Variants in OLA1 observed in about 807,000 individuals in gnomAD.
OLA1 encodes the protein obg-like ATPase 1.
OLA1 carries 14 observed loss-of-function variants against 48.4 expected under a neutral mutation model. The observed-to-expected ratio is 0.29, with a 90% CI of 0.19 to 0.45. The LOEUF is 0.45. Ranked by LOEUF, OLA1 falls within the 20% of genes least tolerant of loss-of-function variation. OLA1 has a pLI of 1.00. For missense variants in OLA1, 325 were observed against 467.1 expected (o/e 0.70, Z 2.80); for synonymous variants, 127 against 150.4 (o/e 0.84, Z 1.14).
intron 3 of OLA1, among the ~76,000 whole-genome samples, chr2:174,226,406 TAAAATGATGTTA>T (rs1688618323): frequency 6.6e-6 from 1 of 152,110 alleles, no homozygotes; most frequent in Non-Finnish European, 1.5e-5. Context: ...CTCTCGAGAC[TAAAATGATGTTA>T]AAAATATTTT....
At chr2:174,208,860 G>A (rs1688173234) in intron 4 of OLA1, among the ~76,000 whole-genome samples, 1 of 152,160 alleles carries the variant, frequency 6.6e-6, no homozygotes, top group African/African-American at 2.4e-5. Flanking sequence ...TAATGTATCA[G>A]AGCATCAAAT....
At chr2:174,174,622 A>G (rs1451463159) in intron 4 of OLA1, among the ~76,000 whole-genome samples, 1 of 152,084 alleles carries the variant, frequency 6.6e-6, no homozygotes, top group Admixed American at 6.5e-5. Flanking sequence ...TATGTGTAAG[A>G]TTTGTATTCT....
At chr2:174,215,988 G>A (rs754982022) in intron 4 of OLA1, among the ~76,000 whole-genome samples, 29 of 151,986 alleles carry the variant, frequency 1.9e-4, no homozygotes, top group Admixed American at 1.6e-3. Context: ...CATCATGGTC[G>A]CAATACTATA....
intron 4 of OLA1, among the ~76,000 whole-genome samples, chr2:174,219,420 TCC>T (rs1183672480): frequency 6.9e-6 from 1 of 145,410 alleles, no homozygotes; most frequent in South Asian, 2.3e-4. Flanking sequence ...CCATTTTATT[TCC>T]CTTTTTTTTT....
chr2:174,248,065 C>G, intron 1 of OLA1: 1 of 280,178 alleles, frequency 3.6e-6, no homozygotes, highest in Non-Finnish European at 7.0e-6. Context: ...TTCTCAGCGT[C>G]CTGACACCTG....
intron 4 of OLA1, among the ~76,000 whole-genome samples, chr2:174,168,409 C>T (rs576460379): frequency 8.6e-5 from 13 of 151,984 alleles, no homozygotes; most frequent in Admixed American, 5.9e-4. Flanking sequence ...AAAACAAACC[C>T]GCTACACATA....
At chr2:174,166,753 T>A (rs980425460) in intron 4 of OLA1, among the ~76,000 whole-genome samples, 1 of 152,134 alleles carries the variant, frequency 6.6e-6, no homozygotes, top group Non-Finnish European at 1.5e-5. Context: ...ATCTTTAAAG[T>A]ATGGGGGCAC....
intron 4 of OLA1, among the ~76,000 whole-genome samples, chr2:174,161,680 ATACACACACACACACAC>A (rs1558983309): frequency 2.8e-5 from 2 of 71,516 alleles, no homozygotes; most frequent in South Asian, 3.3e-4. Flanking sequence ...AAAAAAAAAA[ATACACACACACACACAC>A]ACACACACAC....
At chr2:174,212,062 C>T (rs1029035630) in intron 4 of OLA1, among the ~76,000 whole-genome samples, 1 of 152,132 alleles carries the variant, frequency 6.6e-6, no homozygotes, top group Non-Finnish European at 1.5e-5. Flanking sequence ...CAACTACAGA[C>T]ATGAGTTGCT....
chr2:174,216,752 T>C (rs1446324733), intron 4 of OLA1, among the ~76,000 whole-genome samples: 1 of 151,902 alleles, frequency 6.6e-6, no homozygotes, highest in Non-Finnish European at 1.5e-5. Context: ...CTCTCTATGT[T>C]GACCAGGCTG....
chr2:174,167,947 G>C (rs941232935), intron 4 of OLA1, among the ~76,000 whole-genome samples: 1 of 152,046 alleles, frequency 6.6e-6, no homozygotes, highest in African/African-American at 2.4e-5. Flanking sequence ...ACCCTGGTGG[G>C]GAAAAACACT....
intron 4 of OLA1, among the ~76,000 whole-genome samples, chr2:174,147,971 G>A (rs897864365): frequency 5.3e-5 from 8 of 152,240 alleles, no homozygotes; most frequent in African/African-American, 1.2e-4. Flanking sequence ...TTTCAGGTGC[G>A]TGCCACCATG....
At chr2:174,142,048 T>C in intron 4 of OLA1, 48 bp from the exon 5 acceptor site, 2 of 1,484,954 alleles carry the variant, frequency 1.3e-6, no homozygotes, top group Non-Finnish European at 1.9e-6. Flanking sequence ...TAATACAGCG[T>C]GTTCATTATG....
chr2:174,109,586 G>A (rs1685600945), intron 7 of OLA1, among the ~76,000 whole-genome samples: 1 of 152,114 alleles, frequency 6.6e-6, no homozygotes, highest in Admixed American at 6.5e-5. Flanking sequence ...TTTGAATACG[G>A]GAAAGGAAAC....
chr2:174,110,113 T>TTTTTTTG (rs1685611931), intron 7 of OLA1, among the ~76,000 whole-genome samples: 2 of 141,564 alleles, frequency 1.4e-5, no homozygotes, highest in South Asian at 2.2e-4. Context: ...TTTTTTTTTT[T>TTTTTTTG]GAGACAAAGT....
chr2:174,196,940 T>C (rs544827615), intron 4 of OLA1, among the ~76,000 whole-genome samples: 19 of 151,082 alleles, frequency 1.3e-4, no homozygotes, highest in African/African-American at 4.3e-4. Flanking sequence ...TATAAGACAA[T>C]GTATTGATAT....
At chr2:174,119,446 CAT>C (rs1236039176) in intron 7 of OLA1, among the ~76,000 whole-genome samples, 4 of 152,072 alleles carry the variant, frequency 2.6e-5, no homozygotes, top group Admixed American at 2.0e-4. Flanking sequence ...TATTTATATG[CAT>C]ATATGTGTTT....
chr2:174,172,259 C>CAACT (rs1687324187), intron 4 of OLA1: 2 of 204,590 alleles, frequency 9.8e-6, no homozygotes, highest in Non-Finnish European at 2.1e-5. Context: ...AATATGCAGC[C>CAACT]AACTGTACCT....
At chr2:174,102,908 A>G (rs1448813432) in intron 7 of OLA1, among the ~76,000 whole-genome samples, 4 of 152,144 alleles carry the variant, frequency 2.6e-5, no homozygotes, top group Non-Finnish European at 5.9e-5. Context: ...TTTTCAAATG[A>G]TATTTTTTCC....
Sources: gnomAD v4.1 joint callset for allele counts (sites outside exome capture counted in the v4.1 genomes callset) on GRCh38, gnomAD v4.1.1 for gene constraint, MANE v1.5 for transcripts, NCBI Gene and HGNC (gene_info 2026-07-23, HGNC 2026-07-21) for gene names.